CHN2: variants seen among roughly 807,000 people sequenced by gnomAD.
CHN2 encodes the protein beta-chimaerin.
In CHN2, 35 loss-of-function variants were observed where a neutral mutation model predicts 56.3. The observed-to-expected ratio is 0.62, with a 90% CI of 0.47 to 0.82. The LOEUF is 0.82. CHN2 is among the 40% of genes least tolerant of loss of function. The pLI is 0.00. For synonymous variants in CHN2, 210 were observed against 212.8 expected (o/e 0.99, Z 0.12); for missense variants, 491 against 580.5 (o/e 0.85, Z 1.58).
At chr7:29,339,863 A>T (rs3793285) in intron 1 of CHN2, among the ~76,000 whole-genome samples, 40,945 of 151,570 alleles carry the variant, frequency 0.27, 6,371 homozygotes, top group East Asian at 0.35. Context: ...CAAAAAAAAA[A>T]AATAATAACA....
chr7:29,264,791 C>G (rs571117611), intron 1 of CHN2, among the ~76,000 whole-genome samples: 23 of 146,670 alleles, frequency 1.6e-4, no homozygotes, highest in Non-Finnish European at 1.9e-4. Context: ...CCGAGAGACA[C>G]CCGGGGTGAT....
chr7:29,497,215 A>G (rs909956986), intron 8 of CHN2, among the ~76,000 whole-genome samples: 1 of 152,194 alleles, frequency 6.6e-6, no homozygotes, highest in Non-Finnish European at 1.5e-5. Flanking sequence ...GTTTAACACT[A>G]AAGACTGACT....
intron 6 of CHN2, among the ~76,000 whole-genome samples, chr7:29,468,155 C>T (rs981080369): frequency 6.3e-5 from 7 of 111,698 alleles, no homozygotes; most frequent in East Asian, 3.0e-4. Context: ...CCCCCCCCCC[C>T]GCCCGACTAC....
rs1789761946 is a variant in CHN2, at chr7:29,499,938, A to T, written c.811A>T (p.Ile271Phe). ...TGACTGCCAACCTGATCTCAAGAGG[A>T]TCAAGAAAGTGTACTGTTGTGACCT... ...PNDCQPDLKR[I>F]KKVYCCDLTT... Residue 271 changes from isoleucine (I) to phenylalanine (F), a missense_variant, in exon 9 of 13, where the codon ATC becomes TTC. Transcript: ENST00000222792. The T allele has an allele frequency of 1.9e-6, 3 of 1,613,214 alleles. No individual in the cohort carries two copies. The highest frequency in any genetic ancestry group is 2.5e-6 in the Non-Finnish European group (3 of 1,179,724).
chr7:29,211,075 T>G (rs1366371813), intron 1 of CHN2, among the ~76,000 whole-genome samples: 8 of 150,880 alleles, frequency 5.3e-5, no homozygotes, highest in Non-Finnish European at 1.2e-4. Flanking sequence ...TTTTTTGTTG[T>G]TGTTGTTGTT....
chr7:29,209,222 G>A (rs1401394809), intron 1 of CHN2, among the ~76,000 whole-genome samples: 1 of 152,100 alleles, frequency 6.6e-6, no homozygotes, highest in Non-Finnish European at 1.5e-5. Context: ...TCTGTTAAGG[G>A]GGAAGAGGGA....
At chr7:29,264,713 C>T (rs901085887) in intron 1 of CHN2, among the ~76,000 whole-genome samples, 1 of 152,040 alleles carries the variant, frequency 6.6e-6, no homozygotes, top group African/African-American at 2.4e-5. Context: ...AAACCAGAGA[C>T]CTTTGTTCAC....
intron 6 of CHN2, among the ~76,000 whole-genome samples, chr7:29,472,299 G>GCACACACACACACACACACACGCA (rs59917710): frequency 5.2e-4 from 55 of 105,550 alleles, no homozygotes; most frequent in Non-Finnish European, 1.0e-3. Context: ...ACACACACAC[G>GCACACACACACACACACACACGCA]CACACACACA....
intron 1 of CHN2, among the ~76,000 whole-genome samples, chr7:29,345,112 T>A (rs1562533180): frequency 6.6e-6 from 1 of 152,178 alleles, no homozygotes; most frequent in South Asian, 2.1e-4. Context: ...ATGCTCTGGC[T>A]TGGGGCTCTG....
At chr7:29,355,020 G>A (rs1798186101) in intron 2 of CHN2, among the ~76,000 whole-genome samples, 1 of 151,418 alleles carries the variant, frequency 6.6e-6, no homozygotes, top group Non-Finnish European at 1.5e-5. Flanking sequence ...CCAGGCTGGA[G>A]TGAAATGGCG....
At chr7:29,200,123 C>G (rs1784037449) in intron 1 of CHN2, 1 of 152,080 alleles carries the variant, frequency 6.6e-6, no homozygotes, top group Non-Finnish European at 1.5e-5. Context: ...GATCAAGATT[C>G]CTGTCAAGGC....
chr7:29,287,149 G>T (rs1376254496), intron 1 of CHN2, among the ~76,000 whole-genome samples: 3 of 152,106 alleles, frequency 2.0e-5, no homozygotes, highest in Non-Finnish European at 4.4e-5. Flanking sequence ...ATTCTCCCTT[G>T]TTTGATTCAA....
intron 2 of CHN2, among the ~76,000 whole-genome samples, chr7:29,167,687 CTA>C (rs751705695): frequency 5.9e-5 from 9 of 152,122 alleles, no homozygotes; most frequent in Non-Finnish European, 1.2e-4. Context: ...TTTTGTCAGA[CTA>C]TATAGTTTTG....
intron 9 of CHN2, among the ~76,000 whole-genome samples, chr7:29,503,115 C>G (rs1343976690): frequency 1.3e-5 from 2 of 152,064 alleles, no homozygotes; most frequent in African/African-American, 4.8e-5. Flanking sequence ...GCCCTAATCT[C>G]CAGTGTGATT....
intron 1 of CHN2, among the ~76,000 whole-genome samples, chr7:29,258,859 C>T (rs1789293638): frequency 6.6e-6 from 1 of 152,122 alleles, no homozygotes; most frequent in Admixed American, 6.5e-5. Flanking sequence ...CATGCAATCC[C>T]ACTTCCATCT....
intron 2 of CHN2, among the ~76,000 whole-genome samples, chr7:29,156,851 T>C (rs959533299): frequency 4.6e-5 from 7 of 152,196 alleles, no homozygotes; most frequent in African/African-American, 1.7e-4. Flanking sequence ...TGGAGATCTA[T>C]CTAGCAAAAT....
At chr7:29,227,279 A>G (rs1241224940) in intron 1 of CHN2, among the ~76,000 whole-genome samples, 3 of 151,874 alleles carry the variant, frequency 2.0e-5, no homozygotes, top group Non-Finnish European at 4.4e-5. Context: ...CCATTTTCAT[A>G]TTTTTCTGAC....
At chr7:29,176,164 C>A (rs1443799668) in intron 2 of CHN2, among the ~76,000 whole-genome samples, 1 of 149,336 alleles carries the variant, frequency 6.7e-6, no homozygotes, top group Non-Finnish European at 1.5e-5. Context: ...CCAGCCTAGG[C>A]GACAGAGCAA....
chr7:29,320,134 G>A (rs1447805388), intron 1 of CHN2, among the ~76,000 whole-genome samples: 1 of 152,170 alleles, frequency 6.6e-6, no homozygotes, highest in Non-Finnish European at 1.5e-5. Context: ...GAGGTTTAGA[G>A]AAGTGAAAGC....
Sources: allele counts gnomAD v4.1 joint callset (sites outside exome capture counted in the v4.1 genomes callset), GRCh38; gene constraint gnomAD v4.1.1; transcripts MANE v1.5; gene names NCBI Gene and HGNC (gene_info 2026-07-23, HGNC 2026-07-21).